Variants in PTPRN2 observed in about 807,000 individuals in gnomAD.
The protein encoded by PTPRN2 is receptor-type tyrosine-protein phosphatase N2.
PTPRN2 carries 74 observed loss-of-function variants against 118.8 expected under a neutral mutation model. The ratio of observed to expected loss-of-function variants is 0.62; its 90% confidence interval spans 0.52 to 0.76. PTPRN2 has a LOEUF of 0.76. PTPRN2 is among the 30% of genes least tolerant of loss of function. The pLI, the probability that PTPRN2 is intolerant of heterozygous loss-of-function variation, is 0.00. For synonymous variants in PTPRN2, 641 were observed against 608.0 expected (o/e 1.05, Z -0.80); for missense variants, 1,481 against 1,394.4 (o/e 1.06, Z -0.99).
In PTPRN2 at chr7:157,892,664, C is replaced by T. The variant is rs550565248; in HGVS notation, c.1788+6009G>A. Among the ~76,000 whole-genome samples the T allele has an allele frequency of 3.9e-5, 6 of 152,062 alleles. No individual in the cohort carries two copies. In the East Asian group the frequency reaches 5.8e-4, roughly 15 times the overall value. On this transcript the variant is annotated intron_variant, in intron 12 of 22. Coordinates refer to ENST00000389418, the MANE Select transcript of PTPRN2 (RefSeq NM_002847.5). ...TTTTAAATACATTAAAAATCAGAAT[C>T]GTCAAATTCAGGCTTAATACTGAAT... is the stretch of plus-strand genomic sequence containing the variant.
intron 2 of PTPRN2, among the ~76,000 whole-genome samples, chr7:158,319,474 A>ACTCAC (rs1256486494): frequency 1.8e-5 from 1 of 54,402 alleles, no homozygotes. Flanking sequence ...CCTCACACAC[A>ACTCAC]AGCACAGCCT....
chr7:157,568,855 C>A, intron 21 of PTPRN2, 47 bp downstream of exon 21: 1 of 1,518,920 alleles, frequency 6.6e-7, no homozygotes, highest in South Asian at 1.1e-5. Context: ...CATAGCGACG[C>A]CATCCCAGCT....
At chr7:158,016,042 C>T (rs1806430717) in intron 11 of PTPRN2, among the ~76,000 whole-genome samples, 2 of 152,206 alleles carry the variant, frequency 1.3e-5, no homozygotes, top group South Asian at 4.2e-4. Flanking sequence ...CATGGCCTGA[C>T]ACCCGCTGTT....
At chr7:157,694,775 T>C (rs1396371698) in intron 12 of PTPRN2, among the ~76,000 whole-genome samples, 1 of 152,054 alleles carries the variant, frequency 6.6e-6, no homozygotes, top group African/African-American at 2.4e-5. Flanking sequence ...TTTTCTTTTT[T>C]TTTTGGTCAT....
intron 3 of PTPRN2, among the ~76,000 whole-genome samples, chr7:158,291,604 A>T (rs1393669623): frequency 6.6e-6 from 1 of 152,226 alleles, no homozygotes; most frequent in East Asian, 1.9e-4. Context: ...ACCCTGACAG[A>T]TGAAACTGAC....
chr7:157,771,899 C>T (rs1052944627), intron 12 of PTPRN2, among the ~76,000 whole-genome samples: 2 of 151,360 alleles, frequency 1.3e-5, no homozygotes, highest in African/African-American at 4.9e-5. Context: ...GACACAGACA[C>T]AAACACACAC....
At position 157,929,858 on chromosome 7, in the gene PTPRN2, C is replaced by G. The variant is rs1461085466; in HGVS notation, c.1724-31121G>C. 6.6e-6 allele frequency among the ~76,000 whole-genome samples: 1 copy of G among 151,890 alleles called. No homozygotes were observed. Among genetic ancestry groups the G allele is most frequent in the African/African-American group, 2.4e-5 (1 of 41,404 alleles). On this transcript the variant is annotated intron_variant, in intron 11 of 22. Coordinates refer to ENST00000389418, the MANE Select transcript of PTPRN2 (RefSeq NM_002847.5). This position sits in a 1 kb window ranked among gnomAD's most constrained non-coding sequence, Gnocchi z 4.4. ...GGACACCAGGCACTGGAGGTCGGCA[C>G]GCTTATTGTAATGAATCTGAAGGCA...
chr7:158,550,916 G>A (rs1207330862), intron 1 of PTPRN2, among the ~76,000 whole-genome samples: 1 of 152,098 alleles, frequency 6.6e-6, no homozygotes, highest in Non-Finnish European at 1.5e-5. Flanking sequence ...ACCCCTCCAC[G>A]GACATCTGGC....
At chr7:158,293,307 T>TGACTCACGCCTATAATCCCAGC (rs1190204921) in intron 3 of PTPRN2, among the ~76,000 whole-genome samples, 1 of 152,148 alleles carries the variant, frequency 6.6e-6, no homozygotes, top group Non-Finnish European at 1.5e-5. Flanking sequence ...CTGGGCACGG[T>TGACTCACGCCTATAATCCCAGC]GACTCACGCC....
chr7:157,874,475 G>T lies in PTPRN2; in HGVS notation c.1788+24198C>A, dbSNP rs537920061. Among the ~76,000 whole-genome samples, 40 of 152,284 alleles carry T rather than the reference G, an allele frequency of 2.6e-4. No homozygotes were observed. The highest frequency in any genetic ancestry group is 9.1e-4 in the African/African-American group (38 of 41,552). On this transcript the variant is annotated intron_variant, in intron 12 of 22. Transcript: ENST00000389418. This position sits in a 1 kb window ranked among gnomAD's most constrained non-coding sequence, Gnocchi z 5.8. ...ATGGCCCCAGCCACAGTGCCTTCCT[G>T]CCAGCCAACCATGTTCACAAGGAAG... is the stretch of plus-strand genomic sequence containing the variant.
At chr7:158,340,931 A>T (rs1413072527) in intron 2 of PTPRN2, among the ~76,000 whole-genome samples, 1 of 86,108 alleles carries the variant, frequency 1.2e-5, no homozygotes, top group Non-Finnish European at 2.5e-5. Flanking sequence ...CACGTCAATC[A>T]CACTCACACT....
chr7:158,580,016 G>T (rs1828541671), intron 1 of PTPRN2, among the ~76,000 whole-genome samples: 2 of 152,236 alleles, frequency 1.3e-5, no homozygotes, highest in Admixed American at 1.3e-4. Context: ...CAGAGAAAGA[G>T]ATTCAAGAAC....
chr7:158,171,177 CATATAT>C (rs1368164655), intron 5 of PTPRN2, among the ~76,000 whole-genome samples: 13 of 138,214 alleles, frequency 9.4e-5, no homozygotes, highest in African/African-American at 2.9e-4. Flanking sequence ...CATATATACA[CATATAT>C]ACACACATAC....
At chr7:158,146,927 T>A (rs1820127558) in intron 6 of PTPRN2, among the ~76,000 whole-genome samples, 2 of 150,838 alleles carry the variant, frequency 1.3e-5, no homozygotes, top group African/African-American at 2.4e-5. Flanking sequence ...TGACACCCCA[T>A]CTCACGCCAC....
intron 6 of PTPRN2, among the ~76,000 whole-genome samples, chr7:158,155,520 C>T (rs1251158213): frequency 4.2e-5 from 5 of 119,584 alleles, no homozygotes; most frequent in Non-Finnish European, 9.0e-5. Context: ...GCCATCATCA[C>T]CATCACCATC....
rs573913440 is a variant in PTPRN2 at position 158,144,105 on chromosome 7, G to T, written c.911-5590C>A. ...CTGTGTTTCCTAAGGGGGCTGAAAA[G>T]CTGGTTGTGATATTTTGACAAATGG... On this transcript the variant is annotated intron_variant, in intron 6 of 22. Coordinates refer to ENST00000389418, the MANE Select transcript of PTPRN2 (RefSeq NM_002847.5). Among the ~76,000 whole-genome samples, 38 of 152,320 alleles carry T rather than the reference G, an allele frequency of 2.5e-4. No individual in the cohort carries two copies. The South Asian group carries it at 7.3e-3, about 29-fold the overall frequency.
At chr7:158,303,539 G>C (rs796198064) in intron 3 of PTPRN2, among the ~76,000 whole-genome samples, 29 of 152,294 alleles carry the variant, frequency 1.9e-4, no homozygotes, top group African/African-American at 7.0e-4. Context: ...GGATTAAAAT[G>C]TCATTAAGCT....
chr7:157,958,316 A>G (rs4716840), intron 11 of PTPRN2, among the ~76,000 whole-genome samples: 125,835 of 152,118 alleles, frequency 0.83, 52,635 homozygotes, highest in East Asian at 0.9. Context: ...AAGATGGAAG[A>G]CTTTTCCTTT....
intron 12 of PTPRN2, among the ~76,000 whole-genome samples, chr7:157,834,390 A>C (rs1289240756): frequency 1.2e-5 from 1 of 80,424 alleles, no homozygotes; most frequent in Non-Finnish European, 2.3e-5. Flanking sequence ...ACTCCCTGTG[A>C]TCAATCCATC....
Sources: gnomAD v4.1 joint callset for allele counts (sites outside exome capture counted in the v4.1 genomes callset) on GRCh38, gnomAD v4.1.1 for gene constraint, Gnocchi (gnomAD v3.1) non-coding constraint, MANE v1.5 for transcripts, NCBI Gene and HGNC (gene_info 2026-07-23, HGNC 2026-07-21) for gene names.